Variants in CDA observed in about 807,000 individuals in gnomAD.
CDA encodes cytidine deaminase.
A neutral mutation model predicts 15.0 loss-of-function variants in CDA; 7 were observed. The observed-to-expected ratio is 0.47, with a 90% CI of 0.26 to 0.87. The LOEUF (loss-of-function observed/expected upper bound fraction) is 0.87, where lower values mean the gene tolerates loss of function less well. CDA is among the 40% of genes least tolerant of loss of function. The probability of loss-of-function intolerance (pLI) is 0.15; values close to 1 mark genes in which losing one functional copy is unlikely to be tolerated. For synonymous variants in CDA, 58 were observed against 73.0 expected (o/e 0.79, Z 1.05); for missense variants, 159 against 182.7 (o/e 0.87, Z 0.75).
At chr1:20,616,355 G>T (rs1397686444) in intron 3 of CDA, among the ~76,000 whole-genome samples, 1 of 152,116 alleles carries the variant, frequency 6.6e-6, no homozygotes, top group East Asian at 1.9e-4. Context: ...TTTTAGCTTT[G>T]TTTTTGTGCC....
chr1:20,602,423 T>C (rs12022958), intron 1 of CDA, among the ~76,000 whole-genome samples: 2 of 151,960 alleles, frequency 1.3e-5, no homozygotes, highest in Middle Eastern at 3.4e-3. Flanking sequence ...TCATGGTTTT[T>C]TTTTTTTCGT....
chr1:20,618,216 T>C (rs1014855883), intron 3 of CDA, among the ~76,000 whole-genome samples: 6 of 93,976 alleles, frequency 6.4e-5, no homozygotes, highest in Non-Finnish European at 1.4e-4. Context: ...GGGTGAGTCT[T>C]GAATGGTGCC....
intron 2 of CDA, among the ~76,000 whole-genome samples, chr1:20,612,186 G>A (rs542230772): frequency 3.9e-5 from 6 of 152,072 alleles, no homozygotes; most frequent in East Asian, 1.9e-4. Flanking sequence ...TATTTCCTTC[G>A]CCTACGACAC....
At chr1:20,602,720 T>C (rs1464400028) in intron 1 of CDA, among the ~76,000 whole-genome samples, 1 of 152,220 alleles carries the variant, frequency 6.6e-6, no homozygotes, top group African/African-American at 2.4e-5. Flanking sequence ...ATGCCCAGCC[T>C]CATCATGTGT....
chr1:20,604,706 G>T (rs1339903207), intron 1 of CDA, among the ~76,000 whole-genome samples: 5 of 152,166 alleles, frequency 3.3e-5, no homozygotes, highest in Non-Finnish European at 5.9e-5. Context: ...GAGGCATTGG[G>T]TAAATTAAGA....
chr1:20,613,986 C>A, intron 3 of CDA, 87 bp downstream of exon 3: 2 of 1,260,010 alleles, frequency 1.6e-6, no homozygotes, highest in Non-Finnish European at 1.2e-6. Context: ...GCATGGCAGG[C>A]ATGGCAGGCG....
chr1:20,618,488 G>A lies in CDA; in HGVS notation c.361G>A (p.Asp121Asn), dbSNP rs1412769463. The A allele has an allele frequency of 1.2e-6, 2 of 1,613,626 alleles. No homozygotes were observed. Among genetic ancestry groups the A allele is most frequent in the Non-Finnish European group, 1.7e-6 (2 of 1,179,752 alleles). Residue 121 changes from aspartate to asparagine, a missense_variant, in exon 4 of 4, where the codon GAT (aspartate) becomes AAT (asparagine). Coordinates refer to ENST00000375071, the MANE Select transcript of CDA (RefSeq NM_001785.3). ...CTGGCCCGTGTACATGACCAAGCCG[G>A]ATGGTACGTATATTGTCATGACGGT... The part of the protein sequence containing the change: ...TNWPVYMTKP[D>N]GTYIVMTVQE...
intron 2 of CDA, among the ~76,000 whole-genome samples, chr1:20,612,479 G>A (rs1478024918): frequency 2.0e-5 from 3 of 148,298 alleles, no homozygotes; most frequent in Non-Finnish European, 4.5e-5. Flanking sequence ...TGAGTCTCAC[G>A]GTCTCCCCAC....
chr1:20,608,662 G>T (rs181650534), intron 2 of CDA, among the ~76,000 whole-genome samples: 1 of 152,132 alleles, frequency 6.6e-6, no homozygotes, highest in East Asian at 1.9e-4. Flanking sequence ...TGCCCACCTC[G>T]GCCTCCCAAA....
chr1:20,615,161 G>A (rs923943224), intron 3 of CDA, among the ~76,000 whole-genome samples: 6 of 151,934 alleles, frequency 3.9e-5, no homozygotes, highest in African/African-American at 1.5e-4. Flanking sequence ...CGCCCAGCCT[G>A]GAGTGTACAC....
At chr1:20,605,148 C>T in intron 2 of CDA, 109 bp downstream of exon 2, 1 of 769,536 alleles carries the variant, frequency 1.3e-6, no homozygotes, top group Non-Finnish European at 2.3e-6. Context: ...TTATTGTGGA[C>T]TTCCTATGTG....
intron 2 of CDA, among the ~76,000 whole-genome samples, chr1:20,608,602 G>A (rs1444813045): frequency 6.6e-6 from 1 of 152,130 alleles, no homozygotes; most frequent in African/African-American, 2.4e-5. Context: ...TAGAGACAGG[G>A]TTTCACCACG....
chr1:20,606,852 A>C (rs2052699100), intron 2 of CDA, among the ~76,000 whole-genome samples: 1 of 152,166 alleles, frequency 6.6e-6, no homozygotes, highest in Middle Eastern at 3.2e-3. Context: ...AAGCACGTAA[A>C]TTAGCCCTTT....
At chr1:20,608,410 T>TTTTGTTTTGC (rs2052714054) in intron 2 of CDA, among the ~76,000 whole-genome samples, 11 of 151,100 alleles carry the variant, frequency 7.3e-5, no homozygotes, top group African/African-American at 2.4e-5. Flanking sequence ...TTTTGTTTTG[T>TTTTGTTTTGC]TTTGTTTTGT....
intron 1 of CDA, among the ~76,000 whole-genome samples, chr1:20,594,988 G>T (rs887960712): frequency 1.3e-5 from 2 of 152,044 alleles, no homozygotes; most frequent in African/African-American, 4.8e-5. Flanking sequence ...TGGGCTCGTG[G>T]GGAGTATGCA....
intron 2 of CDA, among the ~76,000 whole-genome samples, chr1:20,606,915 T>C (rs1420655717): frequency 6.6e-6 from 1 of 152,214 alleles, no homozygotes; most frequent in Non-Finnish European, 1.5e-5. Context: ...TGTGTGCACC[T>C]TTGCATTGTG....
intron 2 of CDA, among the ~76,000 whole-genome samples, chr1:20,612,879 G>C (rs1180005345): frequency 7.0e-6 from 1 of 143,056 alleles, no homozygotes; most frequent in African/African-American, 2.6e-5. Flanking sequence ...GGAGGCGGAG[G>C]TTTCAGTGAG....
chr1:20,589,744 C>T (rs1419249816), intron 1 of CDA, among the ~76,000 whole-genome samples: 1 of 152,134 alleles, frequency 6.6e-6, no homozygotes, highest in Non-Finnish European at 1.5e-5. Context: ...CAAGGTCACA[C>T]GGGGCGCTGG....
At chr1:20,609,735 CATGTCTGGAATG>C (rs934099420) in intron 2 of CDA, among the ~76,000 whole-genome samples, 8 of 152,164 alleles carry the variant, frequency 5.3e-5, no homozygotes, top group Non-Finnish European at 1.0e-4. Flanking sequence ...TTTTGGTCGA[CATGTCTGGAATG>C]AAGTGAAGAA....
Sources: allele counts gnomAD v4.1 joint callset (sites outside exome capture counted in the v4.1 genomes callset), GRCh38; gene constraint gnomAD v4.1.1; transcripts MANE v1.5; gene names NCBI Gene and HGNC (gene_info 2026-07-23, HGNC 2026-07-21).